The following CCDC183 variants were observed in gnomAD, a reference collection of about 807,000 sequenced individuals.
The protein encoded by CCDC183 is coiled-coil domain containing 183.
Under a neutral mutation model 65.2 loss-of-function variants are expected in CCDC183, and 63 were observed. That is an observed-to-expected ratio of 0.97 (90% CI 0.79 to 1.19). The LOEUF (loss-of-function observed/expected upper bound fraction) is 1.19. CCDC183 is among the 50% of genes most tolerant of loss of function. CCDC183 has a pLI of 0.00. For synonymous variants in CCDC183, 323 were observed against 276.5 expected, an observed-to-expected ratio of 1.17 and a Z score of -1.67; for missense variants, 769 against 689.3, an observed-to-expected ratio of 1.12 and a Z score of -1.30.
At chr9:136,805,125 G>A (rs1229133050) in intron 8 of CCDC183, 1 of 597,016 alleles carries the variant, frequency 1.7e-6, no homozygotes, top group African/African-American at 1.9e-5. Context: ...AGTGCTCACA[G>A]TGCTGCGCCA....
In CCDC183 at chr9:136,804,921, G is replaced by C. The variant is rs1182820370; in HGVS notation, c.847+105G>C. On this transcript the variant is annotated intron_variant, in intron 8 of 13. Coordinates refer to ENST00000338005, the MANE Select transcript of CCDC183 (RefSeq NM_001039374.5). This position sits in a 1 kb window ranked among gnomAD's most constrained non-coding sequence, Gnocchi z 4.1. ...CACCCTGAGGCCAGGTGTGACATGT[G>C]GTCGCCAGGGTGAAGGGAAGGACAG... 2 of 955,228 alleles carry C rather than the reference G, an allele frequency of 2.1e-6. No homozygotes were observed. The highest frequency in any genetic ancestry group is 4.3e-5 in the Admixed American group (2 of 46,272). 59.2% of individuals were successfully genotyped at this position (955,228 alleles called of 1,614,324 possible).
In CCDC183 at chr9:136,800,456, A is replaced by C; in HGVS notation, c.506A>C (p.His169Pro). Reference sequence around the variant, plus strand: ...AAGATCATCACCAGCCAGAACATCCACCTGCTGTATTTGGACCTGCTGGAT... The same window carrying C: ...AAGATCATCACCAGCCAGAACATCCCCCTGCTGTATTTGGACCTGCTGGAT... ...MIKIITSQNI[H>P]LLYLDLLDYL... The change falls in exon 5 of 14, where the codon CAC becomes CCC. Residue 169 changes from histidine to proline, a missense_variant. By Grantham distance (77) the His-to-Pro change is moderately conservative. Transcript: ENST00000338005. The C allele has an allele frequency of 6.2e-7, 1 of 1,610,900 alleles. No individual in the cohort carries two copies. Among genetic ancestry groups the C allele is most frequent in the Non-Finnish European group, 8.5e-7 (1 of 1,178,510 alleles).
chr9:136,807,519 G>A, intron 13 of CCDC183, 53 bp from the exon 14 acceptor site: 4 of 1,487,474 alleles, frequency 2.7e-6, no homozygotes, highest in Non-Finnish European at 3.6e-6. Flanking sequence ...CGGGTCGGGC[G>A]GCTGCGCCTA....
chr9:136,805,687 C>T (rs911918830), intron 9 of CCDC183: 21 of 562,360 alleles, frequency 3.7e-5, no homozygotes, highest in Non-Finnish European at 5.7e-5. Context: ...CCTTGAGCTC[C>T]TAACCACTGC....
Position 136,804,886 on chromosome 9 carries a change from C to A in CCDC183, c.847+70C>A. 3.7e-6 allele frequency: 5 copies of A among 1,366,968 alleles called. No individual in the cohort carries two copies. The highest frequency in any genetic ancestry group is 5.2e-6 in the Non-Finnish European group (5 of 962,204). The allele number at this position is 1,366,968 out of a possible 1,614,324, so 84.7% of individuals were successfully genotyped here. ...AGAGGCTGGCACTGATTCAGGCCAA[C>A]GGATCAAGTCACCCTGAGGCCAGGT... On this transcript the variant is annotated intron_variant, in intron 8 of 13. Transcript: ENST00000338005. This position sits in a 1 kb window ranked among gnomAD's most constrained non-coding sequence, Gnocchi z 4.1.
chr9:136,805,732 C>T (rs923783515), intron 9 of CCDC183: 5 of 548,902 alleles, frequency 9.1e-6, no homozygotes, highest in African/African-American at 3.8e-5. Context: ...AGACAAGTGA[C>T]TCAAGTGACA....
chr9:136,799,490 G>GC, intron 2 of CCDC183: 1 of 691,556 alleles, frequency 1.4e-6, no homozygotes, highest in Non-Finnish European at 2.4e-6. Flanking sequence ...TCTCCGGCCA[G>GC]CTAGGGGACA....
At chr9:136,802,357 A>G (rs1378028836) in intron 5 of CCDC183, among the ~76,000 whole-genome samples, 1 of 152,146 alleles carries the variant, frequency 6.6e-6, no homozygotes, top group African/African-American at 2.4e-5. Flanking sequence ...GTTTCACTTC[A>G]AAGCAGAACT....
In CCDC183 at chr9:136,804,099, A is replaced by G. The variant is rs1405712096; in HGVS notation, c.667-403A>G. On this transcript the variant is annotated intron_variant, in intron 6 of 13. Coordinates refer to ENST00000338005, the MANE Select transcript of CCDC183 (RefSeq NM_001039374.5). The surrounding 1 kb of genome is among the most constrained non-coding windows in gnomAD (Gnocchi z 4.1). ...CAACGAGAGTGGCGAGGGTGAGAGCAGTGTCTGGGGTGCGTGAGCAGGGGT... is the reference window on the plus strand; with the variant it reads ...CAACGAGAGTGGCGAGGGTGAGAGCGGTGTCTGGGGTGCGTGAGCAGGGGT... 5.0e-6 allele frequency: 1 copy of G among 200,120 alleles called. No homozygotes were observed. Among genetic ancestry groups the G allele is most frequent in the Non-Finnish European group, 1.0e-5 (1 of 96,334 alleles). 12.4% of individuals were successfully genotyped at this position (200,120 alleles called of 1,614,324 possible). A position where few individuals can be genotyped will look rare whatever the true frequency, so the allele number is the denominator to read the frequency against.
intron 2 of CCDC183, 72 bp from the exon 3 acceptor site, chr9:136,799,641 G>A: frequency 7.6e-7 from 1 of 1,319,826 alleles, no homozygotes; most frequent in Non-Finnish European, 1.1e-6. Flanking sequence ...GCCCTGGGGA[G>A]AATGCCTGGA....
At chr9:136,806,329 C>T (rs764134681) in intron 10 of CCDC183, 91 bp downstream of exon 10, 35 of 1,434,444 alleles carry the variant, frequency 2.4e-5, no homozygotes, top group Non-Finnish European at 3.1e-5. Context: ...AGTATACCCA[C>T]TGCCAACAAG....
In CCDC183 at chr9:136,805,379, A is replaced by G; in HGVS notation, c.870A>G (p.Thr290=). 4 of 1,613,818 alleles carry G rather than the reference A, an allele frequency of 2.5e-6. No individual in the cohort carries two copies. In the South Asian group the frequency reaches 4.4e-5, roughly 18 times the overall value. Residue 290 remains threonine, a synonymous_variant, in exon 9 of 14, where the codon ACA becomes ACG. Coordinates refer to ENST00000338005, the MANE Select transcript of CCDC183 (RefSeq NM_001039374.5). ...CAGTGAGGAGAAAAGAGACCTCCAC[A>G]GCAGAAATGGAATACCAGTCGGGCG... ...TLKLRRKETS[T]AEMEYQSGVT... is the part of the protein sequence containing the mutation.
At chr9:136,800,531 C>G in intron 5 of CCDC183, 38 bp downstream of exon 5, 2 of 1,297,132 alleles carry the variant, frequency 1.5e-6, no homozygotes, top group Admixed American at 1.9e-5. Flanking sequence ...GGGTCAGGGG[C>G]TGGGATCTGG....
chr9:136,804,415 G>A lies in CCDC183; in HGVS notation c.667-87G>A, dbSNP rs943546261. On this transcript the variant is annotated intron_variant, in intron 6 of 13. Coordinates refer to ENST00000338005, the MANE Select transcript of CCDC183 (RefSeq NM_001039374.5). This position sits in a 1 kb window ranked among gnomAD's most constrained non-coding sequence, Gnocchi z 4.1. ...GCAGTTCCAAAGTCTAGTAAGGTGAGCATGGCCAACCGCCCGCTGGCTTTA... is the reference window on the plus strand; with the variant it reads ...GCAGTTCCAAAGTCTAGTAAGGTGAACATGGCCAACCGCCCGCTGGCTTTA... The A allele has an allele frequency of 4.0e-6, 6 of 1,503,142 alleles. 1 individual carries two copies. The South Asian group carries it at 6.3e-5, about 16-fold the overall frequency. 93.1% of individuals were successfully genotyped at this position (1,503,142 alleles called of 1,614,324 possible). A position where few individuals can be genotyped will look rare whatever the true frequency, so the allele number is the denominator to read the frequency against.
Position 136,802,077 on chromosome 9 carries a change from C to T in CCDC183, c.544-587C>T, listed in dbSNP as rs1046827060. ...TGTTGGGATTACAGGCGTGAGCCAC[C>T]GCACCTGGCCTATACTTGTAGTTAC... On this transcript the variant is annotated intron_variant, in intron 5 of 13. Coordinates refer to ENST00000338005, the MANE Select transcript of CCDC183 (RefSeq NM_001039374.5). Among the ~76,000 whole-genome samples the T allele has an allele frequency of 1.8e-4, 27 of 152,270 alleles. No individual in the cohort carries two copies. In the East Asian group the frequency reaches 2.1e-3, roughly 12 times the overall value.
rs1847717564 is a variant in CCDC183 at position 136,800,259 on chromosome 9, G to A, written c.438+90G>A. 1.0e-5 allele frequency: 14 copies of A among 1,391,580 alleles called. No individual in the cohort carries two copies. In the South Asian group the frequency reaches 1.9e-4, roughly 19 times the overall value. 86.2% of individuals were successfully genotyped at this position (1,391,580 alleles called of 1,614,324 possible). Reference sequence around the variant, plus strand: ...GGCCACCGGGGGGCGGGACTTGCGGGTCCCCTGGGGAGGGCTCACGGGAGG... The same window carrying A: ...GGCCACCGGGGGGCGGGACTTGCGGATCCCCTGGGGAGGGCTCACGGGAGG... On this transcript the variant is annotated intron_variant, in intron 4 of 13. Coordinates refer to ENST00000338005, the MANE Select transcript of CCDC183 (RefSeq NM_001039374.5).
rs1340828665 is a variant in CCDC183, at chr9:136,802,656, C to T, written c.544-8C>T. ...GTAGGGGCCACAAGAGAACCCCATT[C>T]AACACAGGTGCTGGCAGGATACCCC... On this transcript the variant is annotated splice_polypyrimidine_tract_variant and splice_region_variant and intron_variant, in intron 5 of 13. Coordinates refer to ENST00000338005, the MANE Select transcript of CCDC183 (RefSeq NM_001039374.5). 6.2e-7 allele frequency: 1 copy of T among 1,606,710 alleles called. No individual in the cohort carries two copies. The highest frequency in any genetic ancestry group is 8.5e-7 in the Non-Finnish European group (1 of 1,176,852).
Position 136,800,090 on chromosome 9 carries a change from A to G in CCDC183, c.359A>G (p.Lys120Arg), listed in dbSNP as rs1362514860. The G allele has an allele frequency of 6.4e-7, 1 of 1,565,422 alleles. No homozygotes were observed. The highest frequency in any genetic ancestry group is 1.9e-5 in the Admixed American group (1 of 52,912). Residue 120 changes from lysine to arginine, a missense_variant, in exon 4 of 14, where the codon AAG becomes AGG. By Grantham distance (26) the Lys-to-Arg change is conservative (BLOSUM62 2). Coordinates refer to ENST00000338005, the MANE Select transcript of CCDC183 (RefSeq NM_001039374.5). ...CACCTGGTGCGGCGGCGCGGGCAGA[A>G]GCTGGAGAGCATGCAGCTGGAGCTG... ...LIHLVRRRGQKLESMQLELDS... is the reference protein window; with the variant it reads ...LIHLVRRRGQRLESMQLELDS...
At chr9:136,805,224 G>A in intron 8 of CCDC183, 133 bp from the exon 9 acceptor site, 4 of 696,298 alleles carry the variant, frequency 5.7e-6, no homozygotes, top group Non-Finnish European at 9.7e-6. Flanking sequence ...GCGGGGGCAG[G>A]CATCTCTGAA....
Sources: allele counts gnomAD v4.1 joint callset (sites outside exome capture counted in the v4.1 genomes callset), GRCh38; gene constraint gnomAD v4.1.1; non-coding constraint Gnocchi (gnomAD v3.1); transcripts MANE v1.5; gene names NCBI Gene and HGNC (gene_info 2026-07-23, HGNC 2026-07-21).